Variants in CHN2 observed in about 807,000 individuals in gnomAD.
CHN2 encodes the protein beta-chimaerin.
A neutral mutation model predicts 56.3 loss-of-function variants in CHN2; 35 were observed. The observed-to-expected ratio is 0.62, with a 90% confidence interval of 0.47 to 0.82. The LOEUF (loss-of-function observed/expected upper bound fraction) is 0.82, where lower values mean the gene tolerates loss of function less well. CHN2 is among the 40% of genes least tolerant of loss of function. The pLI is 0.00. For synonymous variants in CHN2, 210 were observed against 212.8 expected, an observed-to-expected ratio of 0.99 and a Z score of 0.12; for missense variants, 491 against 580.5, an observed-to-expected ratio of 0.85 and a Z score of 1.58.
upstream of CHN2, chr7:29,194,425 T>C (rs1157127766): frequency 1.3e-5 from 2 of 152,744 alleles, no homozygotes; most frequent in Non-Finnish European, 2.9e-5. Context: ...TTCCTTTGTG[T>C]GTGCGCGAGC....
chr7:29,197,882 A>G (rs1783867158), intron 1 of CHN2: 2 of 456,044 alleles, frequency 4.4e-6, no homozygotes, highest in South Asian at 1.5e-5. Context: ...GAAATGTCAT[A>G]TGAGTTGGGC....
At chr7:29,383,487 T>C (rs1442425899) in intron 3 of CHN2, among the ~76,000 whole-genome samples, 1 of 152,230 alleles carries the variant, frequency 6.6e-6, no homozygotes, top group Non-Finnish European at 1.5e-5. Flanking sequence ...AGGGCCATCT[T>C]CTTTACTCAG....
chr7:29,508,922 T>C (rs907578319), intron 11 of CHN2, among the ~76,000 whole-genome samples: 7 of 149,604 alleles, frequency 4.7e-5, no homozygotes, highest in Non-Finnish European at 8.8e-5. Context: ...AATACTACCG[T>C]ATGTGGTGCA....
intron 1 of CHN2, among the ~76,000 whole-genome samples, chr7:29,235,501 A>G (rs1787118967): frequency 6.6e-6 from 1 of 152,234 alleles, no homozygotes; most frequent in South Asian, 2.1e-4. Context: ...CTAATAAAAC[A>G]GAACTACCAT....
intron 2 of CHN2, among the ~76,000 whole-genome samples, chr7:29,178,358 C>T (rs1182354574): frequency 6.6e-6 from 1 of 152,184 alleles, no homozygotes; most frequent in Non-Finnish European, 1.5e-5. Context: ...CTGACATCTA[C>T]TCAGCCTCTG....
rs1175429614 is a variant in CHN2 at position 29,233,825 on chromosome 7, A to ATTTTTTTTTTTTTTTT, written c.49+38846_49+38861dup. On this transcript the variant is annotated intron_variant, in intron 1 of 12. Transcript: ENST00000222792. ...AGAATGCAGCCCTGCCAACACCTTG[A>ATTTTTTTTTTTTTTTT]TTTTTTTTTTTTTTTTTTTTTTTTT... Among the ~76,000 whole-genome samples the ATTTTTTTTTTTTTTTT allele has an allele frequency of 1.1e-3, 59 of 53,204 alleles. 8 individuals carry two copies. The highest frequency in any genetic ancestry group is 5.0e-3 in the East Asian group (5 of 996). The allele number at this position is 53,204 out of a possible 152,430, so 34.9% of individuals were successfully genotyped here.
At chr7:29,373,426 C>CA (rs1562556175) in intron 3 of CHN2, among the ~76,000 whole-genome samples, 1 of 151,908 alleles carries the variant, frequency 6.6e-6, no homozygotes, top group Non-Finnish European at 1.5e-5. Flanking sequence ...CTGCCTGCCT[C>CA]AGCCTTCCAA....
intron 1 of CHN2, among the ~76,000 whole-genome samples, chr7:29,342,962 T>A (rs1797156837): frequency 6.6e-6 from 1 of 152,256 alleles, no homozygotes; most frequent in African/African-American, 2.4e-5. Context: ...CCATGTCTAG[T>A]GCACTATTTT....
chr7:29,496,568 A>C (rs1351316273), intron 8 of CHN2, among the ~76,000 whole-genome samples: 1 of 152,122 alleles, frequency 6.6e-6, no homozygotes, highest in East Asian at 1.9e-4. Context: ...CTACGCAGTA[A>C]GGAATAGAAT....
At chr7:29,428,650 AAG>A (rs1805121249) in intron 6 of CHN2, among the ~76,000 whole-genome samples, 1 of 152,220 alleles carries the variant, frequency 6.6e-6, no homozygotes, top group African/African-American at 2.4e-5. Context: ...TTAGATAACA[AAG>A]AGATTTGGAA....
intron 7 of CHN2, among the ~76,000 whole-genome samples, chr7:29,483,544 C>G (rs952910815): frequency 1.3e-5 from 2 of 152,126 alleles, no homozygotes; most frequent in African/African-American, 4.8e-5. Flanking sequence ...GGCACTGAGA[C>G]GTATTTGTTG....
rs114564727 is a variant in CHN2 at position 29,223,900 on chromosome 7, G to A, written c.49+28910G>A. 5.9e-3 allele frequency among the ~76,000 whole-genome samples: 902 copies of A among 152,228 alleles called. 4 individuals carry two copies. The highest frequency in any genetic ancestry group is 0.02 in the African/African-American group (847 of 41,542). ...AGCAGTGAACAAAAATTTTAGTTGC[G>A]ATGTATTGACACCATACCCATGCAC... is the stretch of plus-strand genomic sequence containing the variant. On this transcript the variant is annotated intron_variant, in intron 1 of 12. Transcript: ENST00000222792.
intron 6 of CHN2, among the ~76,000 whole-genome samples, chr7:29,434,097 G>A (rs1783051905): frequency 6.6e-6 from 1 of 152,108 alleles, no homozygotes; most frequent in Non-Finnish European, 1.5e-5. Flanking sequence ...AATGAAAAGT[G>A]CACTAAGATA....
intron 2 of CHN2, among the ~76,000 whole-genome samples, chr7:29,356,928 G>A (rs1350790213): frequency 1.3e-5 from 2 of 152,202 alleles, no homozygotes; most frequent in East Asian, 1.9e-4. Context: ...GCTCGCGCAT[G>A]GCCTTGCGTA....
chr7:29,360,528 C>CA (rs911413306), intron 2 of CHN2, among the ~76,000 whole-genome samples: 13 of 151,768 alleles, frequency 8.6e-5, no homozygotes, highest in African/African-American at 9.7e-5. Context: ...CTCAAAAAAA[C>CA]AAAAAAAATT....
intron 7 of CHN2, 94 bp from the exon 8 acceptor site, chr7:29,495,858 G>T: frequency 2.1e-6 from 2 of 959,984 alleles, no homozygotes; most frequent in Non-Finnish European, 3.3e-6. Context: ...CCCAGTGGGG[G>T]ATCGCTCCTG....
chr7:29,476,755 A>C (rs564591085), intron 6 of CHN2, among the ~76,000 whole-genome samples: 31 of 152,196 alleles, frequency 2.0e-4, no homozygotes, highest in Admixed American at 5.2e-4. Flanking sequence ...GAGGGGCTCT[A>C]CTGGCATCTA....
At chr7:29,396,283 C>G (rs10253540) in intron 4 of CHN2, among the ~76,000 whole-genome samples, 8 of 151,588 alleles carry the variant, frequency 5.3e-5, no homozygotes, top group Non-Finnish European at 8.8e-5. Context: ...CCCCACTCCC[C>G]GCATCTCTAC....
chr7:29,273,187 T>C (rs1172254913), intron 1 of CHN2, among the ~76,000 whole-genome samples: 2 of 151,598 alleles, frequency 1.3e-5, no homozygotes, highest in Non-Finnish European at 2.9e-5. Context: ...CTTTTTAAAT[T>C]CCACATATAA....
Sources: gnomAD v4.1 joint callset for allele counts (sites outside exome capture counted in the v4.1 genomes callset) on GRCh38, gnomAD v4.1.1 for gene constraint, MANE v1.5 for transcripts, NCBI Gene and HGNC (gene_info 2026-07-23, HGNC 2026-07-21) for gene names.